GPC6: variants seen among roughly 807,000 people sequenced by gnomAD.
The protein encoded by GPC6 is glypican-6.
A neutral mutation model predicts 55.2 loss-of-function variants in GPC6; 14 were observed. That is an observed-to-expected ratio of 0.25 (90% confidence interval 0.17 to 0.40). The LOEUF (loss-of-function observed/expected upper bound fraction) is 0.40. GPC6 is among the 10% of genes least tolerant of loss of function. The probability of loss-of-function intolerance (pLI) is 1.00; values close to 1 mark genes in which losing one functional copy is unlikely to be tolerated. For synonymous variants in GPC6, 278 were observed against 259.6 expected (o/e 1.07, Z -0.68); for missense variants, 641 against 708.5 (o/e 0.90, Z 1.08).
intron 5 of GPC6, among the ~76,000 whole-genome samples, chr13:94,289,896 C>T (rs936247606): frequency 2.0e-5 from 3 of 152,088 alleles, no homozygotes; most frequent in African/African-American, 7.2e-5. Context: ...ATTAAAATGG[C>T]AGTTCTCAAG....
At chr13:93,954,877 T>G (rs1286226734) in intron 3 of GPC6, among the ~76,000 whole-genome samples, 1 of 152,166 alleles carries the variant, frequency 6.6e-6, no homozygotes, top group African/African-American at 2.4e-5. Flanking sequence ...GCCATCTCCT[T>G]TAATATCCAC....
intron 3 of GPC6, among the ~76,000 whole-genome samples, chr13:93,908,312 C>A (rs558706871): frequency 6.6e-6 from 1 of 152,102 alleles, no homozygotes; most frequent in African/African-American, 2.4e-5. Flanking sequence ...GGACAAGAGT[C>A]TGAATAGAAA....
At chr13:93,475,793 G>C (rs1879281253) in intron 1 of GPC6, among the ~76,000 whole-genome samples, 1 of 152,176 alleles carries the variant, frequency 6.6e-6, no homozygotes, top group Admixed American at 6.5e-5. Flanking sequence ...TACTTTTGGA[G>C]ATCTAGATAG....
chr13:93,528,317 C>T (rs1881729342), intron 1 of GPC6, among the ~76,000 whole-genome samples: 1 of 152,100 alleles, frequency 6.6e-6, no homozygotes, highest in Non-Finnish European at 1.5e-5. Context: ...GCAAAGAGGG[C>T]TGTGGGACTG....
intron 3 of GPC6, among the ~76,000 whole-genome samples, chr13:94,026,287 G>T (rs1249135808): frequency 6.6e-6 from 1 of 152,050 alleles, no homozygotes; most frequent in Non-Finnish European, 1.5e-5. Flanking sequence ...TTGATCCTAG[G>T]TAAGGGATAG....
intron 2 of GPC6, among the ~76,000 whole-genome samples, chr13:93,737,464 A>G (rs1198842829): frequency 6.6e-6 from 1 of 152,184 alleles, no homozygotes; most frequent in South Asian, 2.1e-4. Flanking sequence ...TTGGTAGAAA[A>G]TACTTGGAAA....
chr13:93,240,717 G>A (rs1292914902), intron 1 of GPC6, among the ~76,000 whole-genome samples: 2 of 152,108 alleles, frequency 1.3e-5, no homozygotes, highest in African/African-American at 4.8e-5. Context: ...TCTCCATCAT[G>A]TTACTATTTT....
intron 2 of GPC6, among the ~76,000 whole-genome samples, chr13:93,794,045 G>T (rs951879390): frequency 5.9e-5 from 9 of 152,170 alleles, no homozygotes; most frequent in African/African-American, 1.9e-4. Flanking sequence ...TACTGCAAAT[G>T]AAAATCTTGA....
chr13:93,377,812 A>G (rs996083953), intron 1 of GPC6, among the ~76,000 whole-genome samples: 1 of 152,234 alleles, frequency 6.6e-6, no homozygotes, highest in Admixed American at 6.5e-5. Context: ...TGTTTGCCAC[A>G]TAATTTCCTA....
At chr13:93,608,829 T>C (rs1269032695) in intron 2 of GPC6, among the ~76,000 whole-genome samples, 1 of 152,190 alleles carries the variant, frequency 6.6e-6, no homozygotes, top group Admixed American at 6.5e-5. Context: ...ATTCTGCAAA[T>C]GTCCCCAATA....
chr13:94,137,567 G>T (rs963102688), intron 4 of GPC6, among the ~76,000 whole-genome samples: 11 of 152,054 alleles, frequency 7.2e-5, no homozygotes, highest in East Asian at 3.9e-4. Context: ...CTTATTTTTT[G>T]TTGTTGTTGT....
At chr13:93,416,614 T>C (rs1306520822) in intron 1 of GPC6, among the ~76,000 whole-genome samples, 2 of 152,122 alleles carry the variant, frequency 1.3e-5, no homozygotes, top group African/African-American at 4.8e-5. Flanking sequence ...GTGACCTGGT[T>C]GTGCTAGCAA....
intron 2 of GPC6, among the ~76,000 whole-genome samples, chr13:93,780,989 T>C (rs1411825845): frequency 1.3e-5 from 2 of 152,136 alleles, no homozygotes; most frequent in Non-Finnish European, 2.9e-5. Flanking sequence ...AAAAGAAATA[T>C]ATAATTGGCC....
intron 4 of GPC6, among the ~76,000 whole-genome samples, chr13:94,257,479 CCCTGGCCCTGGTCCA>C (rs1891540348): frequency 6.6e-6 from 1 of 152,162 alleles, no homozygotes; most frequent in Admixed American, 6.5e-5. Context: ...CAAGAACTCG[CCCTGGCCCTGGTCCA>C]CCTGTCAGCC....
At chr13:93,689,740 G>T (rs769879689) in intron 2 of GPC6, among the ~76,000 whole-genome samples, 11 of 151,766 alleles carry the variant, frequency 7.2e-5, no homozygotes, top group Admixed American at 4.6e-4. Context: ...TAAATATTTC[G>T]CCCTGTTTCT....
rs1882255447 is a variant in GPC6, at chr13:93,691,487, T to A, written c.320-138667T>A. On this transcript the variant is annotated intron_variant, in intron 2 of 8. Coordinates refer to ENST00000377047, the MANE Select transcript of GPC6 (RefSeq NM_005708.5). ...ATTAAAGGCTTGCCATGGTTTTTTT[T>A]TTTCTCTTATCACATTGAAGATAAA... is the stretch of plus-strand genomic sequence containing the variant. Among the ~76,000 whole-genome samples the A allele has an allele frequency of 3.3e-5, 5 of 151,714 alleles. 1 individual carries two copies. The South Asian group carries it at 1.0e-3, about 32-fold the overall frequency.
At chr13:93,896,579 G>A (rs147218105) in intron 3 of GPC6, among the ~76,000 whole-genome samples, 49 of 152,146 alleles carry the variant, frequency 3.2e-4, no homozygotes, top group East Asian at 1.9e-3. Context: ...AGTTTAATAC[G>A]TAAATGTTAT....
intron 1 of GPC6, among the ~76,000 whole-genome samples, chr13:93,497,782 C>A (rs1178074520): frequency 1.3e-5 from 2 of 152,154 alleles, no homozygotes; most frequent in Non-Finnish European, 2.9e-5. Context: ...AACCATAGAA[C>A]CAGTAATGGT....
At chr13:94,383,779 G>T (rs1880281465) in intron 7 of GPC6, among the ~76,000 whole-genome samples, 1 of 152,122 alleles carries the variant, frequency 6.6e-6, no homozygotes, top group African/African-American at 2.4e-5. Context: ...ATTTATAAAG[G>T]AAAGAGGCTT....
Sources: gnomAD v4.1 joint callset for allele counts (sites outside exome capture counted in the v4.1 genomes callset) on GRCh38, gnomAD v4.1.1 for gene constraint, MANE v1.5 for transcripts, NCBI Gene and HGNC (gene_info 2026-07-23, HGNC 2026-07-21) for gene names.